The following ORC2 variants were observed in gnomAD, a reference collection of about 807,000 sequenced individuals.
ORC2 encodes origin recognition complex protein 2 homolog.
A neutral mutation model predicts 77.7 loss-of-function variants in ORC2; 37 were observed. The observed-to-expected ratio is 0.48, with a 90% CI of 0.37 to 0.63. The LOEUF (loss-of-function observed/expected upper bound fraction) is 0.63, where lower values mean the gene tolerates loss of function less well. Among genes scored for constraint, ORC2 ranks in the 20% least tolerant of loss-of-function variants. The pLI, the probability that ORC2 is intolerant of heterozygous loss-of-function variation, is 0.00. For missense variants in ORC2, 557 were observed against 661.9 expected (o/e 0.84, Z 1.74); for synonymous variants, 201 against 229.5 (o/e 0.88, Z 1.12).
intron 5 of ORC2, among the ~76,000 whole-genome samples, chr2:200,944,654 C>T (rs2041219169): frequency 1.3e-5 from 2 of 152,180 alleles, no homozygotes; most frequent in African/African-American, 4.8e-5. Context: ...AATCCTCCCA[C>T]CTCAAACTCC....
chr2:200,959,873 TG>T (rs2041539006), intron 1 of ORC2, among the ~76,000 whole-genome samples: 1 of 150,550 alleles, frequency 6.6e-6, no homozygotes. Flanking sequence ...AAGACAAGCC[TG>T]GCAACAGTAA....
intron 4 of ORC2, among the ~76,000 whole-genome samples, chr2:200,954,106 C>T (rs1020715510): frequency 1.3e-5 from 2 of 151,352 alleles, no homozygotes; most frequent in Non-Finnish European, 1.5e-5. Context: ...GACCTTGGCT[C>T]ATTGCAACCT....
chr2:200,914,004 A>AG lies in ORC2; in HGVS notation c.1467-13_1467-12insC. The AG allele has an allele frequency of 6.5e-7, 1 of 1,529,358 alleles. No homozygotes were observed. Among genetic ancestry groups the AG allele is most frequent in the South Asian group, 1.2e-5 (1 of 83,630 alleles). The allele number at this position is 1,529,358 out of a possible 1,614,324, so 94.7% of individuals were successfully genotyped here. The stretch of plus-strand genomic sequence containing the variant: ...GCCTGAAAATTCCCCTAAAAAAAAA[A>AG]AAAAACAGGAATTTAAATCCAAAAA... On this transcript the variant is annotated splice_polypyrimidine_tract_variant and intron_variant, in intron 15 of 17. Transcript: ENST00000234296.
At chr2:200,932,139 A>C (rs1362713006) in intron 10 of ORC2, among the ~76,000 whole-genome samples, 1 of 152,132 alleles carries the variant, frequency 6.6e-6, no homozygotes, top group Non-Finnish European at 1.5e-5. Flanking sequence ...AGCAAACAGA[A>C]CTACCTTTAA....
At chr2:200,945,576 T>C (rs960071688) in intron 5 of ORC2, among the ~76,000 whole-genome samples, 1 of 152,058 alleles carries the variant, frequency 6.6e-6, no homozygotes, top group Non-Finnish European at 1.5e-5. Context: ...AAAAAAATTA[T>C]GATATTATTT....
At chr2:200,938,052 A>AT in intron 7 of ORC2, 86 bp from the exon 8 acceptor site, 1 of 933,932 alleles carries the variant, frequency 1.1e-6, no homozygotes, top group Non-Finnish European at 1.7e-6. Context: ...AAAGAAAAAT[A>AT]TTTTGCTTTC....
At chr2:200,919,545 G>A (rs2040720453) in intron 15 of ORC2, among the ~76,000 whole-genome samples, 1 of 152,210 alleles carries the variant, frequency 6.6e-6, no homozygotes, top group Non-Finnish European at 1.5e-5. Context: ...TTTTGGTAGA[G>A]ATGGGGTTTC....
intron 5 of ORC2, among the ~76,000 whole-genome samples, chr2:200,949,241 T>TAAAAAA (rs746523658): frequency 7.4e-6 from 1 of 134,538 alleles, no homozygotes. Flanking sequence ...ACTCCACCTT[T>TAAAAAA]AAAAAAAAAA....
At chr2:200,952,194 G>A (rs1459624619) in intron 4 of ORC2, among the ~76,000 whole-genome samples, 1 of 151,766 alleles carries the variant, frequency 6.6e-6, no homozygotes, top group Non-Finnish European at 1.5e-5. Flanking sequence ...TTACTGCAAT[G>A]ATAGAACTAC....
chr2:200,940,803 AAAAC>A (rs146450404), intron 7 of ORC2, among the ~76,000 whole-genome samples: 4,305 of 152,196 alleles, frequency 0.028, 209 homozygotes, highest in African/African-American at 0.099. Context: ...CTCCGTCTCA[AAAAC>A]AAACAAACAA....
At chr2:200,917,663 A>G (rs1337310139) in intron 15 of ORC2, among the ~76,000 whole-genome samples, 1 of 152,158 alleles carries the variant, frequency 6.6e-6, no homozygotes, top group African/African-American at 2.4e-5. Flanking sequence ...GTGAAATCCA[A>G]ATATGGATGG....
intron 4 of ORC2, among the ~76,000 whole-genome samples, chr2:200,950,378 TCTC>T (rs1179350097): frequency 1.3e-5 from 2 of 152,036 alleles, no homozygotes; most frequent in Non-Finnish European, 2.9e-5. Flanking sequence ...CATTCTTCAA[TCTC>T]CTCTTTAAAT....
At position 200,911,107 on chromosome 2, in the gene ORC2, C is replaced by T. The variant is rs1008763088; in HGVS notation, c.*194G>A. The T allele has an allele frequency of 8.5e-6, 4 of 471,586 alleles. No homozygotes were observed. Among genetic ancestry groups the T allele is most frequent in the Admixed American group, 3.4e-5 (1 of 29,476 alleles). 29.2% of individuals were successfully genotyped at this position (471,586 alleles called of 1,614,324 possible). ...GGCACATTTTCTCCAACTTGAGGAC[C>T]GCTGCATAGTACTAGACGGTACCAG... On this transcript the variant is annotated 3_prime_UTR_variant, in exon 18 of 18. Transcript: ENST00000234296.
At chr2:200,952,813 A>T (rs905901757) in intron 4 of ORC2, among the ~76,000 whole-genome samples, 7 of 134,266 alleles carry the variant, frequency 5.2e-5, no homozygotes, top group African/African-American at 1.4e-4. Flanking sequence ...CTTAAAAATT[A>T]AAAAAAAAAA....
At chr2:200,949,211 A>AG (rs757738019) in intron 5 of ORC2, among the ~76,000 whole-genome samples, 35 of 151,690 alleles carry the variant, frequency 2.3e-4, no homozygotes, top group Non-Finnish European at 3.5e-4. Flanking sequence ...ACTGCACTCC[A>AG]GCTTGGGCAA....
Position 200,909,485 on chromosome 2 carries a change from C to G in ORC2, c.*1816G>C, listed in dbSNP as rs539585208. On this transcript the variant is annotated 3_prime_UTR_variant, in exon 18 of 18. Transcript: ENST00000234296. Reference sequence around the variant, plus strand: ...ACTTTGGGAGGCCGAGGCAGGATCACTTGAGGTCAGGAATTCGAGACCAGC... The same window carrying G: ...ACTTTGGGAGGCCGAGGCAGGATCAGTTGAGGTCAGGAATTCGAGACCAGC... 2 of 152,066 alleles carry G rather than the reference C, an allele frequency of 1.3e-5. No homozygotes were observed. Among genetic ancestry groups the G allele is most frequent in the Non-Finnish European group, 2.9e-5 (2 of 68,046 alleles). 9.4% of individuals were successfully genotyped at this position (152,066 alleles called of 1,614,324 possible).
chr2:200,921,627 A>G (rs1157970655), intron 13 of ORC2: 1 of 152,108 alleles, frequency 6.6e-6, no homozygotes, highest in African/African-American at 2.4e-5. Flanking sequence ...CCCTACAGAA[A>G]GCAGCTTTTT....
intron 4 of ORC2, among the ~76,000 whole-genome samples, chr2:200,955,576 C>T (rs558880697): frequency 8.5e-5 from 13 of 152,236 alleles, no homozygotes; most frequent in Non-Finnish European, 1.8e-4. Context: ...AAAACCAAAT[C>T]ACTTAACACT....
intron 15 of ORC2, 66 bp downstream of exon 15, chr2:200,920,155 TA>T: frequency 1.6e-6 from 2 of 1,243,516 alleles, no homozygotes; most frequent in South Asian, 1.6e-5. Context: ...GTATCCCCAT[TA>T]AAACCTAGTA....
Sources: allele counts gnomAD v4.1 joint callset (sites outside exome capture counted in the v4.1 genomes callset), GRCh38; gene constraint gnomAD v4.1.1; transcripts MANE v1.5; gene names NCBI Gene and HGNC (gene_info 2026-07-23, HGNC 2026-07-21).